Variants in MMP26 observed in about 807,000 individuals in gnomAD.
The protein encoded by MMP26 is matrix metalloproteinase-26.
Under a neutral mutation model 31.0 loss-of-function variants are expected in MMP26, and 33 were observed. The ratio of observed to expected loss-of-function variants is 1.06; its 90% CI spans 0.81 to 1.42. MMP26 has a LOEUF of 1.42. Among genes scored for constraint, MMP26 ranks in the 40% most tolerant of loss-of-function variants. The pLI is 0.00. For synonymous variants in MMP26, 122 were observed against 114.9 expected, an observed-to-expected ratio of 1.06 and a Z score of -0.40; for missense variants, 347 against 316.1, an observed-to-expected ratio of 1.10 and a Z score of -0.74.
intron 1 of MMP26, among the ~76,000 whole-genome samples, chr11:4,714,286 C>G (rs934308985): frequency 2.0e-5 from 3 of 152,134 alleles, no homozygotes; most frequent in Non-Finnish European, 4.4e-5. Flanking sequence ...TTTCTAGGAA[C>G]ATTCTATTCT....
rs544043905 is a variant in MMP26 at position 4,709,699 on chromosome 11, A to G, written c.-217+4654A>G. On this transcript the variant is annotated intron_variant, in intron 1 of 7. Transcript: ENST00000380390. ...CTCTATGTCATTGCTATCTCTGGGA[A>G]TGGCATGATCCTGTTTGTCATCATC... 2.2e-5 allele frequency: 10 copies of G among 459,416 alleles called. No homozygotes were observed. The East Asian group carries it at 6.8e-4, about 31-fold the overall frequency. 28.5% of individuals were successfully genotyped at this position (459,416 alleles called of 1,614,324 possible).
intron 2 of MMP26, among the ~76,000 whole-genome samples, chr11:4,927,273 T>C (rs1851285925): frequency 6.6e-6 from 1 of 152,160 alleles, no homozygotes; most frequent in Admixed American, 6.6e-5. Flanking sequence ...CTTATTTTAG[T>C]ATAGAGCTTA....
In MMP26 at chr11:4,849,257, G is replaced by T. The variant is rs754632202; in HGVS notation, c.-145+81916G>T. ...CTGGAACCTGAAAAATGATTAGAAA[G>T]GTTTACTTAATCGCGTGCCAAATTT... On this transcript the variant is annotated intron_variant, in intron 2 of 7. Transcript: ENST00000380390. 6 of 1,546,858 alleles carry T rather than the reference G, an allele frequency of 3.9e-6. No homozygotes were observed. The African/African-American group carries it at 5.5e-5, about 14-fold the overall frequency.
chr11:4,921,654 A>C (rs1229610123), intron 2 of MMP26, among the ~76,000 whole-genome samples: 1 of 152,204 alleles, frequency 6.6e-6, no homozygotes, highest in East Asian at 1.9e-4. Context: ...GTATATTTGT[A>C]TGAATCTACA....
At chr11:4,929,067 A>C (rs1485041889) in intron 2 of MMP26, among the ~76,000 whole-genome samples, 1 of 152,176 alleles carries the variant, frequency 6.6e-6, no homozygotes, top group Admixed American at 6.6e-5. Flanking sequence ...TAAGTGAATG[A>C]AACTACTAGC....
intron 2 of MMP26, among the ~76,000 whole-genome samples, chr11:4,838,573 G>C (rs1849752873): frequency 6.6e-6 from 1 of 150,890 alleles, no homozygotes; most frequent in African/African-American, 2.4e-5. Flanking sequence ...CTCACTCGTA[G>C]AAAACAGTTG....
At chr11:4,907,421 C>T in intron 2 of MMP26, 1 of 1,613,896 alleles carries the variant, frequency 6.2e-7, no homozygotes, top group Non-Finnish European at 8.5e-7. Context: ...GATTGGGATC[C>T]CAGGACTGGA....
At chr11:4,911,188 G>A (rs1276554737) in intron 2 of MMP26, among the ~76,000 whole-genome samples, 4 of 152,110 alleles carry the variant, frequency 2.6e-5, no homozygotes, top group Admixed American at 6.6e-5. Context: ...ATTTATAATG[G>A]TCTTTGTCAT....
chr11:4,819,549 C>G (rs1200046654), intron 2 of MMP26, among the ~76,000 whole-genome samples: 2 of 138,236 alleles, frequency 1.4e-5, no homozygotes, highest in Admixed American at 7.5e-5. Context: ...GAGATGGTCA[C>G]TGAAATGAGT....
At chr11:4,898,831 C>CTCTG (rs1209504498) in intron 2 of MMP26, among the ~76,000 whole-genome samples, 199 of 94,246 alleles carry the variant, frequency 2.1e-3, no homozygotes, top group Non-Finnish European at 2.9e-3. Flanking sequence ...CTCTCTCTCT[C>CTCTG]TGTGTGTGTG....
chr11:4,872,760 C>T (rs1221651201), intron 2 of MMP26, among the ~76,000 whole-genome samples: 2 of 151,966 alleles, frequency 1.3e-5, no homozygotes, highest in Non-Finnish European at 2.9e-5. Context: ...ACTCTCAATG[C>T]CACTCCTTCT....
At chr11:4,809,906 A>G (rs1298060643) in intron 2 of MMP26, among the ~76,000 whole-genome samples, 1 of 152,130 alleles carries the variant, frequency 6.6e-6, no homozygotes, top group Non-Finnish European at 1.5e-5. Flanking sequence ...ACTCACCCAG[A>G]CCTCTACTCT....
At chr11:4,924,597 T>C (rs1375621706) in intron 2 of MMP26, among the ~76,000 whole-genome samples, 1 of 152,128 alleles carries the variant, frequency 6.6e-6, no homozygotes. Flanking sequence ...CTTGGAAGAA[T>C]CTTGGACTTC....
At chr11:4,790,081 C>G (rs1350063874) in intron 2 of MMP26, among the ~76,000 whole-genome samples, 3 of 152,042 alleles carry the variant, frequency 2.0e-5, no homozygotes, top group Non-Finnish European at 2.9e-5. Flanking sequence ...GTAGCTCACG[C>G]CTGTAATCCC....
chr11:4,799,876 A>G (rs1362573250), intron 2 of MMP26, among the ~76,000 whole-genome samples: 6 of 152,224 alleles, frequency 3.9e-5, no homozygotes, highest in Non-Finnish European at 7.3e-5. Flanking sequence ...AAGCTCCAAA[A>G]TAATCGCCCC....
At chr11:4,926,165 A>G (rs1851269481) in intron 2 of MMP26, among the ~76,000 whole-genome samples, 1 of 142,690 alleles carries the variant, frequency 7.0e-6, no homozygotes. Flanking sequence ...TAACAATAAA[A>G]TAATAACAAT....
At chr11:4,739,035 T>C (rs1848279145) in intron 1 of MMP26, among the ~76,000 whole-genome samples, 1 of 152,210 alleles carries the variant, frequency 6.6e-6, no homozygotes, top group Admixed American at 6.5e-5. Context: ...ATAGCTGAGT[T>C]GATATATAAC....
intron 2 of MMP26, among the ~76,000 whole-genome samples, chr11:4,896,617 G>A (rs911502876): frequency 2.0e-5 from 3 of 152,116 alleles, no homozygotes; most frequent in African/African-American, 7.2e-5. Context: ...TAGATTAATC[G>A]ATATATTATT....
At chr11:4,803,692 T>A in intron 2 of MMP26, 1 of 1,613,768 alleles carries the variant, frequency 6.2e-7, no homozygotes, top group Non-Finnish European at 8.5e-7. Flanking sequence ...TGAGGGCAAC[T>A]GAAGCACAGC....
Sources: allele counts gnomAD v4.1 joint callset (sites outside exome capture counted in the v4.1 genomes callset), GRCh38; gene constraint gnomAD v4.1.1; transcripts MANE v1.5; gene names NCBI Gene and HGNC (gene_info 2026-07-23, HGNC 2026-07-21).